Variants in KIAA1549L observed in about 807,000 individuals in gnomAD.
KIAA1549L encodes UPF0606 protein KIAA1549L.
KIAA1549L carries 88 observed loss-of-function variants against 160.7 expected under a neutral mutation model. The observed-to-expected ratio is 0.55, with a 90% CI of 0.46 to 0.65. KIAA1549L has a LOEUF of 0.65. KIAA1549L is among the 30% of genes least tolerant of loss of function. The pLI, the probability that KIAA1549L is intolerant of heterozygous loss-of-function variation, is 0.00. For synonymous variants in KIAA1549L, 950 were observed against 976.7 expected (o/e 0.97, Z 0.51); for missense variants, 2,258 against 2,437.5 (o/e 0.93, Z 1.55).
chr11:33,617,789 GTGGATGGATGGATGGATGGA>G (rs200551250), intron 15 of KIAA1549L, among the ~76,000 whole-genome samples: 9 of 149,038 alleles, frequency 6.0e-5, no homozygotes, highest in South Asian at 4.4e-4. Context: ...GGAAGCCTCG[GTGGATGGATGGATGGATGGA>G]TGGATGGATG....
At chr11:33,472,524 AG>A (rs2133029668) in intron 1 of KIAA1549L, among the ~76,000 whole-genome samples, 1 of 152,218 alleles carries the variant, frequency 6.6e-6, no homozygotes, top group African/African-American at 2.4e-5. Context: ...CTATAATTCC[AG>A]GGGCCACATA....
rs79060389 is a variant in KIAA1549L at position 33,503,939 on chromosome 11, C to G, written c.239-37863C>G. On this transcript the variant is annotated intron_variant, in intron 1 of 20. Transcript: ENST00000658780. ...TCTGATGACATTCACAAAGTTTTGC[C>G]TTCAAACTGCCTAAAGAATTGTTAT... is the stretch of plus-strand genomic sequence containing the variant. 2.1e-3 allele frequency among the ~76,000 whole-genome samples: 320 copies of G among 152,348 alleles called. 8 individuals are homozygous for G. In the East Asian group the frequency reaches 0.049, roughly 23 times the overall value.
At chr11:33,575,355 G>T (rs922769943) in intron 10 of KIAA1549L, among the ~76,000 whole-genome samples, 1 of 152,196 alleles carries the variant, frequency 6.6e-6, no homozygotes, top group Admixed American at 6.5e-5. Flanking sequence ...GTGTGTTAGG[G>T]GGTCAGCAGA....
At chr11:33,614,566 ATATATATATATATATATATTTTTTTTTT>A (rs1850749098) in intron 15 of KIAA1549L, among the ~76,000 whole-genome samples, 1 of 13,968 alleles carries the variant, frequency 7.2e-5, no homozygotes, top group African/African-American at 7.2e-4. Flanking sequence ...ATATATATAT[ATATATATATATATATATATTTTTTTTTT>A]TTTTTTTTTT....
chr11:33,564,472 T>C (rs2133226007), intron 8 of KIAA1549L, among the ~76,000 whole-genome samples: 1 of 152,364 alleles, frequency 6.6e-6, no homozygotes, highest in African/African-American at 2.4e-5. Flanking sequence ...CCCTTCTTGA[T>C]GGAAAATCAC....
chr11:33,561,884 T>TG (rs1854870856), intron 8 of KIAA1549L, 149 bp downstream of exon 8: 3 of 627,930 alleles, frequency 4.8e-6, no homozygotes, highest in Non-Finnish European at 5.7e-6. Flanking sequence ...CAGAAGTGAA[T>TG]GGGGTAAGCT....
At chr11:33,580,286 C>T (rs1855590407) in intron 10 of KIAA1549L, among the ~76,000 whole-genome samples, 1 of 152,128 alleles carries the variant, frequency 6.6e-6, no homozygotes, top group Admixed American at 6.5e-5. Flanking sequence ...TGAAAAGATG[C>T]CACTTGGCTG....
intron 1 of KIAA1549L, among the ~76,000 whole-genome samples, chr11:33,435,759 G>GATATATAT (rs71034686): frequency 3.3e-4 from 5 of 14,976 alleles, no homozygotes; most frequent in Admixed American, 1.1e-3. Context: ...GAACCAATAA[G>GATATATAT]ATATATATAT....
chr11:33,546,826 C>A (rs1854280833), intron 3 of KIAA1549L, among the ~76,000 whole-genome samples: 1 of 152,186 alleles, frequency 6.6e-6, no homozygotes, highest in South Asian at 2.1e-4. Context: ...CTCATGCATA[C>A]CTATGATAAA....
At chr11:33,667,529 A>G (rs1275910477) in intron 20 of KIAA1549L, among the ~76,000 whole-genome samples, 1 of 151,904 alleles carries the variant, frequency 6.6e-6, no homozygotes, top group Non-Finnish European at 1.5e-5. Context: ...AGTAGCTGGG[A>G]CTACAGGCGC....
chr11:33,474,904 TAG>T (rs1461181646), intron 1 of KIAA1549L, among the ~76,000 whole-genome samples: 1 of 152,236 alleles, frequency 6.6e-6, no homozygotes, highest in Non-Finnish European at 1.5e-5. Flanking sequence ...TTTGGTGTTA[TAG>T]ACTTTTTTTG....
intron 1 of KIAA1549L, among the ~76,000 whole-genome samples, chr11:33,425,297 G>A (rs1851093835): frequency 6.6e-6 from 1 of 151,992 alleles, no homozygotes; most frequent in Non-Finnish European, 1.5e-5. Flanking sequence ...GTCAATTAGA[G>A]GACTCTTGGT....
At chr11:33,380,968 T>TAAC (rs931371083) in intron 1 of KIAA1549L, among the ~76,000 whole-genome samples, 5 of 151,978 alleles carry the variant, frequency 3.3e-5, no homozygotes, top group Non-Finnish European at 5.9e-5. Flanking sequence ...TATTCTGAGG[T>TAAC]AACAGTAATG....
Position 33,542,846 on chromosome 11 carries a change from C to T in KIAA1549L, c.1283C>T (p.Ala428Val), listed in dbSNP as rs1479202366. ...PPLFQTAESGAIEMTSRKLAS... is the reference protein window; with the variant it reads ...PPLFQTAESGVIEMTSRKLAS... ...CTTTTCCAGACTGCAGAATCAGGGGCCATAGAAATGACCAGCAGAAAGCTA... is the reference window on the plus strand; with the variant it reads ...CTTTTCCAGACTGCAGAATCAGGGGTCATAGAAATGACCAGCAGAAAGCTA... Residue 428 changes from alanine to valine, a missense_variant, in exon 2 of 21, where the codon GCC (alanine) becomes GTC (valine). Physicochemically the swap from Ala to Val is moderately conservative, Grantham distance 64. Transcript: ENST00000658780. 2 of 1,613,708 alleles carry T rather than the reference C, an allele frequency of 1.2e-6. No homozygotes were observed. The highest frequency in any genetic ancestry group is 2.7e-5 in the African/African-American group (2 of 74,948).
intron 2 of KIAA1549L, 90 bp downstream of exon 2, chr11:33,544,426 C>A: frequency 1.5e-6 from 2 of 1,357,256 alleles, no homozygotes; most frequent in Non-Finnish European, 2.0e-6. Context: ...AAGCTCAACG[C>A]AGATACCAGC....
chr11:33,592,716 A>G (rs1850093728), intron 12 of KIAA1549L, among the ~76,000 whole-genome samples: 1 of 152,238 alleles, frequency 6.6e-6, no homozygotes, highest in Non-Finnish European at 1.5e-5. Context: ...TCAGGTGGTG[A>G]TGAGTACAAA....
intron 16 of KIAA1549L, among the ~76,000 whole-genome samples, chr11:33,638,552 T>G: frequency 6.6e-6 from 1 of 152,146 alleles, no homozygotes. Context: ...TATCCTATTG[T>G]TGGACATTTG....
At chr11:33,380,003 T>C (rs959532476) in intron 1 of KIAA1549L, among the ~76,000 whole-genome samples, 2 of 152,170 alleles carry the variant, frequency 1.3e-5, no homozygotes, top group Non-Finnish European at 2.9e-5. Flanking sequence ...TAGTTAATTC[T>C]GGGGGCATGG....
chr11:33,492,743 G>A lies in KIAA1549L; in HGVS notation c.239-49059G>A, dbSNP rs566300623. On this transcript the variant is annotated intron_variant, in intron 1 of 20. Coordinates refer to ENST00000658780, the MANE Select transcript of KIAA1549L (RefSeq NM_012194.3). ...AGATTTATTATTGTCCCAGGCATGG[G>A]TACAGTGTTTCCTATCAAAAGCTAT... is the stretch of plus-strand genomic sequence containing the variant. 6.6e-5 allele frequency among the ~76,000 whole-genome samples: 10 copies of A among 152,192 alleles called. No homozygotes were observed. The South Asian group carries it at 2.1e-3, about 32-fold the overall frequency.
Sources: allele counts gnomAD v4.1 joint callset (sites outside exome capture counted in the v4.1 genomes callset), GRCh38; gene constraint gnomAD v4.1.1; transcripts MANE v1.5; gene names NCBI Gene and HGNC (gene_info 2026-07-23, HGNC 2026-07-21).